POLI: variants seen among roughly 807,000 people sequenced by gnomAD.
POLI encodes RAD30 homolog B.
In POLI, 58 loss-of-function variants were observed where a neutral mutation model predicts 51.6. The ratio of observed to expected loss-of-function variants is 1.12; its 90% CI spans 0.91 to 1.40. POLI has a LOEUF of 1.40. Among genes scored for constraint, POLI ranks in the 40% most tolerant of loss-of-function variants. POLI has a pLI of 0.00. For synonymous variants in POLI, 322 were observed against 299.7 expected (o/e 1.07, Z -0.77); for missense variants, 921 against 871.3 (o/e 1.06, Z -0.72).
In POLI at chr18:54,313,137, G is replaced by A. The variant is rs62091238; in HGVS notation, c.334-7136G>A. Among the ~76,000 whole-genome samples the A allele has an allele frequency of 4.1e-3, 621 of 152,264 alleles. 1 individual carries two copies. The highest frequency in any genetic ancestry group is 6.5e-3 in the Non-Finnish European group (445 of 68,010). On this transcript the variant is annotated intron_variant, in intron 3 of 4. Coordinates refer to the POLI transcript ENST00000579823. ...GAGTTAATTTTGTGTATGGTGATAG[G>A]TGGGGGTCCAGTTGCATTCTTCTGC... is the stretch of plus-strand genomic sequence containing the variant.
rs905208709 is a variant in POLI at position 54,294,790 on chromosome 18, G to A, written c.*323G>A. 5 of 981,378 alleles carry A rather than the reference G, an allele frequency of 5.1e-6. No homozygotes were observed. The highest frequency in any genetic ancestry group is 1.8e-5 in the African/African-American group (1 of 56,474). The allele number at this position is 981,378 out of a possible 1,614,324, so 60.8% of individuals were successfully genotyped here. A position where few individuals can be genotyped will look rare whatever the true frequency, so the allele number is the denominator to read the frequency against. ...TTTATATATAAAAAATAGCCAAATC[G>A]TTGCAATGATATGGTAAAGGACACA... On this transcript the variant is annotated 3_prime_UTR_variant, in exon 10 of 10. Coordinates refer to ENST00000579534, the MANE Select transcript of POLI (RefSeq NM_007195.3).
rs1418968288 is a variant in POLI, at chr18:54,280,640, TTTGAATGACA to T, written c.560-24_560-15del. ...AAAAGAAAAAGGTTTTTCTTGTGAC[TTTGAATGACA>T]TTTGTTGTTTTTAAAGCTATAAACC... On this transcript the variant is annotated splice_polypyrimidine_tract_variant and intron_variant, in intron 4 of 9. Transcript: ENST00000579534. 2 of 1,464,930 alleles carry T rather than the reference TTTGAATGACA, an allele frequency of 1.4e-6. No homozygotes were observed. The highest frequency in any genetic ancestry group is 1.9e-6 in the Non-Finnish European group (2 of 1,049,666). 90.7% of individuals were successfully genotyped at this position (1,464,930 alleles called of 1,614,324 possible).
chr18:54,301,397 C>T (rs146646322), downstream of POLI, among the ~76,000 whole-genome samples: 227 of 152,148 alleles, frequency 1.5e-3, 2 homozygotes, highest in African/African-American at 5.3e-3. Flanking sequence ...TACAAAAGTC[C>T]ACACAACAGC....
chr18:54,308,002 A>G (rs1468418265), intron 3 of POLI, among the ~76,000 whole-genome samples: 1 of 152,080 alleles, frequency 6.6e-6, no homozygotes, highest in Non-Finnish European at 1.5e-5. Flanking sequence ...GGTCTCCTCA[A>G]TACAGCACAC....
chr18:54,269,574 G>A lies in POLI; in HGVS notation c.28G>A (p.Glu10Lys), dbSNP rs1264671363. Residue 10 changes from glutamate (E) to lysine (K), a missense_variant, in exon 1 of 10, where the codon GAG becomes AAG. Glu to Lys is a moderately conservative substitution (Grantham distance 56). Transcript: ENST00000579534. MEKLGVEPE[E>K]EGGGDDDEED... is the part of the protein sequence containing the mutation. ...GGAGAAGCTGGGGGTGGAGCCGGAG[G>A]AGGAAGGCGGCGGCGACGACGACGA... The A allele has an allele frequency of 1.4e-6, 2 of 1,450,144 alleles. No homozygotes were observed. Among genetic ancestry groups the A allele is most frequent in the African/African-American group, 2.3e-5 (1 of 42,736 alleles). The allele number at this position is 1,450,144 out of a possible 1,614,324, so 89.8% of individuals were successfully genotyped here.
chr18:54,275,610 C>T (rs1368571500), intron 3 of POLI, among the ~76,000 whole-genome samples: 1 of 152,108 alleles, frequency 6.6e-6, no homozygotes, highest in Non-Finnish European at 1.5e-5. Context: ...GGCCTAAATG[C>T]CTCCTCTCAT....
intron 3 of POLI, among the ~76,000 whole-genome samples, chr18:54,274,636 TA>T (rs2087159148): frequency 2.6e-5 from 4 of 152,028 alleles, no homozygotes; most frequent in Admixed American, 2.6e-4. Flanking sequence ...ATCTTAGTGT[TA>T]TAGTAAATTA....
rs2086906474 is a variant in POLI, at chr18:54,269,599, A to G, written c.53A>G (p.Glu18Gly). The G allele has an allele frequency of 1.3e-6, 2 of 1,502,010 alleles. No homozygotes were observed. 93.0% of individuals were successfully genotyped at this position (1,502,010 alleles called of 1,614,324 possible). A position where few individuals can be genotyped will look rare whatever the true frequency, so the allele number is the denominator to read the frequency against. ...GAGGAAGGCGGCGGCGACGACGACG[A>G]GGAAGACGCCGAGGCCTGGGCCATG... ...PEEEGGGDDD[E>G]EDAEAWAMEL... The change falls in exon 1 of 10, where the codon GAG (glutamate) becomes GGG (glycine). Residue 18 changes from glutamate to glycine, a missense_variant. Coordinates refer to ENST00000579534, the MANE Select transcript of POLI (RefSeq NM_007195.3).
At chr18:54,307,906 TG>T (rs1055072068) in intron 3 of POLI, among the ~76,000 whole-genome samples, 32 of 124,976 alleles carry the variant, frequency 2.6e-4, no homozygotes, top group African/African-American at 1.3e-3. Context: ...TTTCAACCCC[TG>T]TTTTTTTTTT....
chr18:54,301,464 C>T (rs79210621), downstream of POLI, among the ~76,000 whole-genome samples: 1 of 152,118 alleles, frequency 6.6e-6, no homozygotes, highest in East Asian at 1.9e-4. Flanking sequence ...TACAATAGTT[C>T]AACTTAAAAA....
chr18:54,285,798 T>C (rs929507595), intron 7 of POLI, among the ~76,000 whole-genome samples: 8 of 152,202 alleles, frequency 5.3e-5, no homozygotes, highest in Admixed American at 5.2e-4. Flanking sequence ...TATTTTATCC[T>C]AGTTAAGCAG....
At chr18:54,314,480 G>A (rs1438548221) in intron 3 of POLI, among the ~76,000 whole-genome samples, 2 of 152,060 alleles carry the variant, frequency 1.3e-5, no homozygotes, top group Non-Finnish European at 2.9e-5. Context: ...GACGATGTTT[G>A]TTTCATAAAA....
At chr18:54,281,649 T>C (rs981301276) in intron 5 of POLI, among the ~76,000 whole-genome samples, 4 of 152,150 alleles carry the variant, frequency 2.6e-5, no homozygotes, top group African/African-American at 9.7e-5. Context: ...ATGACTTTGG[T>C]AGTGCATTCT....
At chr18:54,316,983 C>T (rs983378378) in intron 3 of POLI, among the ~76,000 whole-genome samples, 2 of 152,154 alleles carry the variant, frequency 1.3e-5, no homozygotes, top group South Asian at 2.1e-4. Context: ...TGTTTCATCT[C>T]CAGCTTTTGG....
Position 54,297,717 on chromosome 18 carries a change from C to A in POLI, c.*3250C>A. The A allele has an allele frequency of 1.0e-6, 1 of 969,368 alleles. No homozygotes were observed. Among genetic ancestry groups the A allele is most frequent in the Non-Finnish European group, 1.2e-6 (1 of 815,364 alleles). 60.0% of individuals were successfully genotyped at this position (969,368 alleles called of 1,614,324 possible). ...AGTCCTTTTGATTATCCTTAAACAT[C>A]TAAAAATGCTACCCTCTTTCCAAAC... On this transcript the variant is annotated 3_prime_UTR_variant, in exon 10 of 10. Transcript: ENST00000579534.
At position 54,295,640 on chromosome 18, in the gene POLI, G is replaced by A; in HGVS notation, c.*1173G>A. On this transcript the variant is annotated 3_prime_UTR_variant, in exon 10 of 10. Transcript: ENST00000579534. ...GAAATTTTCTTTTCTTTCTTTTTTT[G>A]TTTTGGAGACAGAGTCTCACTCTGT... is the stretch of plus-strand genomic sequence containing the variant. 1 of 596,582 alleles carries A rather than the reference G, an allele frequency of 1.7e-6. No individual in the cohort carries two copies. The highest frequency in any genetic ancestry group is 1.4e-4 in the East Asian group (1 of 7,076). 37.0% of individuals were successfully genotyped at this position (596,582 alleles called of 1,614,324 possible). A position where few individuals can be genotyped will look rare whatever the true frequency, so the allele number is the denominator to read the frequency against.
At chr18:54,298,588 C>CTTT (rs145052748), downstream of POLI, among the ~76,000 whole-genome samples, 6 of 114,898 alleles carry the variant, frequency 5.2e-5, no homozygotes, top group East Asian at 2.2e-4. Context: ...ACTACAGAAT[C>CTTT]TTTTTTTTTT....
At chr18:54,314,740 G>A (rs1157717757) in intron 3 of POLI, among the ~76,000 whole-genome samples, 1 of 152,110 alleles carries the variant, frequency 6.6e-6, no homozygotes, top group Non-Finnish European at 1.5e-5. Context: ...AGATTTTCTA[G>A]TTTGTGTGCA....
At chr18:54,279,247 T>C (rs1296813913) in intron 4 of POLI, among the ~76,000 whole-genome samples, 1 of 146,004 alleles carries the variant, frequency 6.8e-6, no homozygotes, top group African/African-American at 2.6e-5. Context: ...TTTTCTTTTT[T>C]TTTTTTTTTT....
Sources: allele counts gnomAD v4.1 joint callset (sites outside exome capture counted in the v4.1 genomes callset), GRCh38; gene constraint gnomAD v4.1.1; transcripts MANE v1.5; gene names NCBI Gene and HGNC (gene_info 2026-07-23, HGNC 2026-07-21).